Variants in ATP6V1C1 observed in about 807,000 individuals in gnomAD.
The protein encoded by ATP6V1C1 is ATPase H+ transporting V1 subunit C1, also known as V-type proton ATPase subunit C 1.
Under a neutral mutation model 53.9 loss-of-function variants are expected in ATP6V1C1, and 45 were observed. That is an observed-to-expected ratio of 0.83 (90% CI 0.66 to 1.07). The LOEUF is 1.07. ATP6V1C1 is among the 50% of genes least tolerant of loss of function. The pLI is 0.00. For synonymous variants in ATP6V1C1, 153 were observed against 155.2 expected (o/e 0.99, Z 0.11); for missense variants, 315 against 440.3 (o/e 0.72, Z 2.55).
chr8:103,051,260 CAGA>C (rs1381523058), intron 5 of ATP6V1C1, 116 bp downstream of exon 5: 2 of 704,404 alleles, frequency 2.8e-6, no homozygotes, highest in Non-Finnish European at 4.6e-6. Context: ...TTATATTTCA[CAGA>C]AGAAATCCTT....
At chr8:103,052,689 T>C in intron 5 of ATP6V1C1, 42 bp from the exon 6 acceptor site, 10 of 1,377,940 alleles carry the variant, frequency 7.3e-6, no homozygotes, top group Non-Finnish European at 9.8e-6. Flanking sequence ...GAGGCAGATT[T>C]AGGAAAATTT....
At chr8:103,047,360 T>A (rs1817116011) in intron 3 of ATP6V1C1, among the ~76,000 whole-genome samples, 1 of 147,170 alleles carries the variant, frequency 6.8e-6, no homozygotes, top group African/African-American at 2.5e-5. Context: ...TGCACTGTGA[T>A]TGCACCACTG....
chr8:103,039,926 T>C (rs191572421), intron 1 of ATP6V1C1, among the ~76,000 whole-genome samples: 9 of 151,890 alleles, frequency 5.9e-5, no homozygotes, highest in African/African-American at 2.2e-4. Flanking sequence ...GATTTGTAAA[T>C]GTTCGATGGC....
intron 1 of ATP6V1C1, among the ~76,000 whole-genome samples, chr8:103,029,295 TC>T (rs1181110821): frequency 2.1e-4 from 31 of 150,344 alleles, no homozygotes; most frequent in Non-Finnish European, 3.7e-4. Context: ...TTTTTTTTTT[TC>T]AAGACCCTCT....
intron 3 of ATP6V1C1, among the ~76,000 whole-genome samples, chr8:103,047,960 A>G (rs928981219): frequency 6.6e-5 from 10 of 152,248 alleles, no homozygotes; most frequent in East Asian, 1.9e-4. Flanking sequence ...TAATTTATAT[A>G]TTTTTGGATC....
intron 11 of ATP6V1C1, 101 bp downstream of exon 11, chr8:103,064,912 G>T: frequency 9.6e-7 from 1 of 1,046,364 alleles, no homozygotes; most frequent in Non-Finnish European, 1.4e-6. Context: ...AAATTGATTT[G>T]GAGAAATCAA....
chr8:103,042,325 A>G lies in ATP6V1C1; in HGVS notation c.133-15A>G, dbSNP rs368123012. 3.1e-6 allele frequency: 5 copies of G among 1,612,308 alleles called. No individual in the cohort carries two copies. The highest frequency in any genetic ancestry group is 4.2e-6 in the Non-Finnish European group (5 of 1,178,816). ...AAAAGCATGCCACCTAAATAACAAT[A>G]TATTTTCCTTTTAGGTTGGCACGTT... is the stretch of plus-strand genomic sequence containing the variant. On this transcript the variant is annotated splice_polypyrimidine_tract_variant and intron_variant, in intron 2 of 12. Transcript: ENST00000518738.
intron 8 of ATP6V1C1, among the ~76,000 whole-genome samples, chr8:103,062,288 A>G: frequency 6.9e-6 from 1 of 144,112 alleles, no homozygotes; most frequent in East Asian, 2.1e-4. Context: ...CTCCCACCTC[A>G]GCCTCCCGAG....
chr8:103,058,981 CTA>C (rs1491073234), intron 8 of ATP6V1C1, among the ~76,000 whole-genome samples: 7 of 143,382 alleles, frequency 4.9e-5, no homozygotes, highest in Non-Finnish European at 1.1e-4. Flanking sequence ...TACCACTTTC[CTA>C]TTTTTTTTTT....
At chr8:103,068,584 T>C in intron 12 of ATP6V1C1, 68 bp from the exon 13 acceptor site, 1 of 1,237,890 alleles carries the variant, frequency 8.1e-7, no homozygotes, top group Non-Finnish European at 1.1e-6. Flanking sequence ...AAGGTAAATG[T>C]TAATACTTGC....
chr8:103,068,347 T>A (rs554963316), intron 12 of ATP6V1C1, among the ~76,000 whole-genome samples: 2 of 152,220 alleles, frequency 1.3e-5, no homozygotes, highest in Non-Finnish European at 2.9e-5. Context: ...AGTCCAAGAT[T>A]TAAAAAGTTA....
intron 5 of ATP6V1C1, among the ~76,000 whole-genome samples, chr8:103,051,765 C>T (rs1357135288): frequency 6.6e-6 from 1 of 151,956 alleles, no homozygotes; most frequent in Admixed American, 6.6e-5. Flanking sequence ...CTTTTTCCCC[C>T]CAAGATCTGT....
rs73291918 is a variant in ATP6V1C1 at position 103,057,077 on chromosome 8, A to C, written c.641+1141A>C. ...TGCCCAGCAAAGCAAAATAAGAATG[A>C]AGCAACAAAAGAACGAAAGCAGGGA... On this transcript the variant is annotated intron_variant, in intron 8 of 12. Transcript: ENST00000518738. 6.5e-3 allele frequency among the ~76,000 whole-genome samples: 984 copies of C among 152,324 alleles called. 12 individuals carry two copies. The highest frequency in any genetic ancestry group is 0.031 in the Middle Eastern group (9 of 294).
chr8:103,057,826 G>T (rs951433283), intron 8 of ATP6V1C1, among the ~76,000 whole-genome samples: 1 of 152,070 alleles, frequency 6.6e-6, no homozygotes, highest in Non-Finnish European at 1.5e-5. Flanking sequence ...TGCTCATCAT[G>T]AATGTTTTTT....
chr8:103,059,547 GTCTAATCAGTTATGTC>G lies in ATP6V1C1; in HGVS notation c.642-3407_642-3392del. On this transcript the variant is annotated intron_variant, in intron 8 of 12. Coordinates refer to ENST00000518738, the MANE Select transcript of ATP6V1C1 (RefSeq NM_001695.5). ...CCCCACCGGCCCCCCACCTGAAATA[GTCTAATCAGTTATGTC>G]ATTTCCACCTTCCATAGTATTTGGT... 3.7e-5 allele frequency among the ~76,000 whole-genome samples: 5 copies of G among 136,720 alleles called. No homozygotes were observed. In the Admixed American group the frequency reaches 4.1e-4, roughly 11 times the overall value. 89.7% of individuals were successfully genotyped at this position (136,720 alleles called of 152,430 possible).
At chr8:103,025,546 T>C (rs1320829710) in intron 1 of ATP6V1C1, among the ~76,000 whole-genome samples, 3 of 152,258 alleles carry the variant, frequency 2.0e-5, no homozygotes, top group African/African-American at 7.2e-5. Context: ...GTAACTCCTT[T>C]AGTGTAAAAT....
In ATP6V1C1 at chr8:103,052,801, A is replaced by G. The variant is rs749501714; in HGVS notation, c.452A>G (p.Gln151Arg). 1.6e-5 allele frequency: 26 copies of G among 1,597,206 alleles called. No homozygotes were observed. Among genetic ancestry groups the G allele is most frequent in the Non-Finnish European group, 2.1e-5 (25 of 1,172,802 alleles). Residue 151 changes from glutamine to arginine, a missense_variant, in exon 6 of 13, where the codon CAG becomes CGG. Physicochemically the swap from Gln to Arg is conservative, Grantham distance 43. Coordinates refer to ENST00000518738, the MANE Select transcript of ATP6V1C1 (RefSeq NM_001695.5). Reference protein sequence around the residue: ...SAYNNLKGNLQNLERKNAGSL... With the variant: ...SAYNNLKGNLRNLERKNAGSL... The stretch of plus-strand genomic sequence containing the variant: ...TACAATAACCTGAAAGGAAATCTTC[A>G]GAATTTGGAACGAAAGAATGCGTAA...
chr8:103,061,662 C>A (rs1466728259), intron 8 of ATP6V1C1, among the ~76,000 whole-genome samples: 1 of 152,152 alleles, frequency 6.6e-6, no homozygotes, highest in African/African-American at 2.4e-5. Context: ...GTCCACACTT[C>A]AGATTATAGA....
In ATP6V1C1 at chr8:103,028,463, A is replaced by G. The variant is rs1266644728; in HGVS notation, c.-40+7238A>G. ...GTCCATAGCCTTCAAGAGTATTGCC[A>G]TTTCTTGTAACATTAAATATACTGT... On this transcript the variant is annotated intron_variant, in intron 1 of 12. Transcript: ENST00000518738. Among the ~76,000 whole-genome samples, 55 of 152,204 alleles carry G rather than the reference A, an allele frequency of 3.6e-4. 1 individual carries two copies. The highest frequency in any genetic ancestry group is 1.9e-4 in the Non-Finnish European group (13 of 68,036).
Sources: gnomAD v4.1 joint callset for allele counts (sites outside exome capture counted in the v4.1 genomes callset) on GRCh38, gnomAD v4.1.1 for gene constraint, MANE v1.5 for transcripts, NCBI Gene and HGNC (gene_info 2026-07-23, HGNC 2026-07-21) for gene names.